Variants in LRRTM4 observed in about 807,000 individuals in gnomAD.
LRRTM4 encodes the protein leucine rich repeat transmembrane neuronal 4, also known as leucine-rich repeat transmembrane neuronal protein 4.
Under a neutral mutation model 47.6 loss-of-function variants are expected in LRRTM4, and 25 were observed. That is an observed-to-expected ratio of 0.53 (90% CI 0.38 to 0.73). LRRTM4 has a LOEUF of 0.73. Ranked by LOEUF, LRRTM4 falls within the 30% of genes least tolerant of loss-of-function variation. The pLI is 0.00. For synonymous variants in LRRTM4, 311 were observed against 269.5 expected (o/e 1.15, Z -1.51); for missense variants, 638 against 713.4 (o/e 0.89, Z 1.20).
At chr2:77,093,039 A>T (rs1233493231) in intron 3 of LRRTM4, among the ~76,000 whole-genome samples, 2 of 146,148 alleles carry the variant, frequency 1.4e-5, no homozygotes, top group East Asian at 4.0e-4. Flanking sequence ...CGCTCCTTTT[A>T]TTAGGCCCCA....
chr2:77,341,605 T>G (rs1671376143), intron 3 of LRRTM4, among the ~76,000 whole-genome samples: 1 of 152,076 alleles, frequency 6.6e-6, no homozygotes, highest in Admixed American at 6.6e-5. Flanking sequence ...TGCTGCGGTT[T>G]AGCGTAAGAG....
At chr2:76,764,916 G>A (rs1194270541) in intron 3 of LRRTM4, among the ~76,000 whole-genome samples, 1 of 152,158 alleles carries the variant, frequency 6.6e-6, no homozygotes, top group African/African-American at 2.4e-5. Flanking sequence ...CAACAAGCCA[G>A]GCTGTTTCTG....
Position 77,518,475 on chromosome 2 carries a change from C to T in LRRTM4, c.1394G>A (p.Arg465Lys), listed in dbSNP as rs746644032. The T allele has an allele frequency of 1.1e-5, 17 of 1,613,380 alleles. No homozygotes were observed. The East Asian group carries it at 3.3e-4, about 32-fold the overall frequency. ...AGACTCTCTGGCCTTTTTCCGCCGCCTCTTCATAAGAGAGTGTTGCTGGAG... is the reference window on the plus strand; with the variant it reads ...AGACTCTCTGGCCTTTTTCCGCCGCTTCTTCATAAGAGAGTGTTGCTGGAG... ...KQLQQHSLMK[R>K]RRKKARESER... Residue 465 changes from arginine (R) to lysine (K), a missense_variant, in exon 3 of 4, where the codon AGG becomes AAG. Physicochemically the swap from Arg to Lys is conservative, Grantham distance 26 (BLOSUM62 2). Coordinates refer to ENST00000409884, the MANE Select transcript of LRRTM4 (RefSeq NM_001134745.3).
rs1481417291 is a variant in LRRTM4 at position 77,131,025 on chromosome 2, G to A, written c.1552-382109C>T. Reference sequence around the variant, plus strand: ...AATTTTTTGTATTTTTAGTAGAGACGGGGTTTCACCGTTTTAGCCGGGATG... The same window carrying A: ...AATTTTTTGTATTTTTAGTAGAGACAGGGTTTCACCGTTTTAGCCGGGATG... On this transcript the variant is annotated intron_variant, in intron 3 of 3. Transcript: ENST00000409884. 1.8e-4 allele frequency among the ~76,000 whole-genome samples: 26 copies of A among 146,104 alleles called. 1 individual carries two copies. Among genetic ancestry groups the A allele is most frequent in the Non-Finnish European group, 2.9e-4 (19 of 66,582 alleles).
chr2:77,212,482 G>A (rs1235474944), intron 3 of LRRTM4, among the ~76,000 whole-genome samples: 3 of 149,424 alleles, frequency 2.0e-5, no homozygotes, highest in Admixed American at 1.3e-4. Context: ...TATAGAGAGA[G>A]AGAGAGAGAG....
At chr2:77,446,249 C>T (rs549534138) in intron 3 of LRRTM4, among the ~76,000 whole-genome samples, 16 of 152,018 alleles carry the variant, frequency 1.1e-4, no homozygotes, top group Middle Eastern at 3.4e-3. Flanking sequence ...TTCATACCAT[C>T]GTTTGTAGAG....
intron 3 of LRRTM4, among the ~76,000 whole-genome samples, chr2:76,860,520 G>A (rs1449354118): frequency 6.6e-6 from 1 of 152,042 alleles, no homozygotes; most frequent in African/African-American, 2.4e-5. Flanking sequence ...TAGGTTAGAT[G>A]AAGGTTTGTC....
chr2:76,780,552 G>T (rs560396337), intron 3 of LRRTM4, among the ~76,000 whole-genome samples: 26 of 151,766 alleles, frequency 1.7e-4, no homozygotes, highest in South Asian at 1.1e-3. Flanking sequence ...TGATCGCATC[G>T]GCTCCTGAGG....
chr2:76,811,802 G>C (rs1245039394), intron 3 of LRRTM4, among the ~76,000 whole-genome samples: 1 of 152,080 alleles, frequency 6.6e-6, no homozygotes, highest in Non-Finnish European at 1.5e-5. Flanking sequence ...CAGCCAATTA[G>C]AATCCAAATT....
intron 3 of LRRTM4, among the ~76,000 whole-genome samples, chr2:76,953,390 A>C (rs1330775318): frequency 1.3e-5 from 2 of 151,920 alleles, no homozygotes; most frequent in African/African-American, 4.8e-5. Context: ...AGTTGCTTTG[A>C]AACGGGCAAA....
At chr2:77,050,182 G>C (rs1348645403) in intron 3 of LRRTM4, among the ~76,000 whole-genome samples, 1 of 136,392 alleles carries the variant, frequency 7.3e-6, no homozygotes, top group Non-Finnish European at 1.5e-5. Flanking sequence ...AATACAATCA[G>C]GGAATTTTAT....
At chr2:77,152,791 C>A (rs1203694765) in intron 3 of LRRTM4, among the ~76,000 whole-genome samples, 1 of 151,946 alleles carries the variant, frequency 6.6e-6, no homozygotes, top group Non-Finnish European at 1.5e-5. Flanking sequence ...CTATTTAACC[C>A]CCACCCTTTT....
chr2:77,320,854 A>C (rs1677768051), intron 3 of LRRTM4, among the ~76,000 whole-genome samples: 1 of 152,126 alleles, frequency 6.6e-6, no homozygotes, highest in African/African-American at 2.4e-5. Context: ...CCAACTATAT[A>C]AACATAGAAC....
chr2:76,888,573 T>C (rs1054379019), intron 3 of LRRTM4, among the ~76,000 whole-genome samples: 1 of 151,754 alleles, frequency 6.6e-6, no homozygotes, highest in Non-Finnish European at 1.5e-5. Context: ...TTACTTCAAG[T>C]AAAAAAATTA....
chr2:77,418,322 G>A (rs1026332251), intron 3 of LRRTM4, among the ~76,000 whole-genome samples: 6 of 152,080 alleles, frequency 3.9e-5, no homozygotes, highest in African/African-American at 1.4e-4. Flanking sequence ...GTATACTTTT[G>A]TCCATTTCAA....
intron 3 of LRRTM4, among the ~76,000 whole-genome samples, chr2:77,090,787 T>C (rs1447288191): frequency 6.6e-6 from 1 of 152,172 alleles, no homozygotes; most frequent in African/African-American, 2.4e-5. Flanking sequence ...CCAGAGCCCC[T>C]GGAACTCTGG....
Position 77,250,473 on chromosome 2 carries a change from CTAAAGA to C in LRRTM4, c.1551+267839_1551+267844del, listed in dbSNP as rs1047074606. On this transcript the variant is annotated intron_variant, in intron 3 of 3. Coordinates refer to ENST00000409884, the MANE Select transcript of LRRTM4 (RefSeq NM_001134745.3). ...ATTTTATAGTGAATCTAAAACTTCTCTAAAGATAAAGTTATTAAAATAAAACACTAC... is the reference window on the plus strand; with the variant it reads ...ATTTTATAGTGAATCTAAAACTTCTCTAAAGTTATTAAAATAAAACACTAC... 2.0e-4 allele frequency among the ~76,000 whole-genome samples: 31 copies of C among 152,138 alleles called. No homozygotes were observed. The East Asian group carries it at 2.5e-3, about 12-fold the overall frequency.
intron 3 of LRRTM4, among the ~76,000 whole-genome samples, chr2:77,029,516 A>T (rs1190816230): frequency 1.3e-5 from 2 of 152,152 alleles, no homozygotes; most frequent in African/African-American, 4.8e-5. Context: ...AATTCAGTTA[A>T]GTCTCCACAT....
At chr2:76,994,712 A>G (rs1677138470) in intron 3 of LRRTM4, among the ~76,000 whole-genome samples, 1 of 152,046 alleles carries the variant, frequency 6.6e-6, no homozygotes, top group Non-Finnish European at 1.5e-5. Context: ...TGTGATTGAT[A>G]CACTGAAGAT....
Sources: gnomAD v4.1 joint callset for allele counts (sites outside exome capture counted in the v4.1 genomes callset) on GRCh38, gnomAD v4.1.1 for gene constraint, MANE v1.5 for transcripts, NCBI Gene and HGNC (gene_info 2026-07-23, HGNC 2026-07-21) for gene names.